CXXC4: variants seen among roughly 807,000 people sequenced by gnomAD.
CXXC4 encodes the protein CXXC finger protein 4.
In CXXC4, 5 loss-of-function variants were observed where a neutral mutation model predicts 20.5. The observed-to-expected ratio is 0.24, with a 90% CI of 0.13 to 0.51. The LOEUF is 0.51. Ranked by LOEUF, CXXC4 falls within the 20% of genes least tolerant of loss-of-function variation. CXXC4 has a pLI of 0.97. For missense variants in CXXC4, 419 were observed against 496.4 expected (o/e 0.84, Z 1.48); for synonymous variants, 250 against 216.4 (o/e 1.16, Z -1.36).
At position 104,491,338 on chromosome 4, in the gene CXXC4, G is replaced by C. The variant is rs761830455; in HGVS notation, c.465C>G (p.Ala155=). The change falls in exon 2 of 3, where the codon GCC becomes GCG. Residue 155 remains alanine, a synonymous_variant. Transcript: ENST00000394767. ...SASSSSAILP[A]GGGGGGGGGG... is the part of the protein sequence containing the mutation. ...CGCCGCCGCCGCCGCCGCCACCGCC[G>C]GCGGGGAGGATCGCCGAGGAGGAGG... 1 of 1,548,330 alleles carries C rather than the reference G, an allele frequency of 6.5e-7. No homozygotes were observed.
chr4:104,473,867 C>T (rs1736338893), intron 2 of CXXC4, among the ~76,000 whole-genome samples: 1 of 151,726 alleles, frequency 6.6e-6, no homozygotes, highest in Non-Finnish European at 1.5e-5. Flanking sequence ...TTGAGGTTAG[C>T]TCTTATTTAC....
At chr4:104,487,953 TGA>T (rs1736738453) in intron 2 of CXXC4, among the ~76,000 whole-genome samples, 1 of 152,178 alleles carries the variant, frequency 6.6e-6, no homozygotes, top group Non-Finnish European at 1.5e-5. Flanking sequence ...CATATCCATG[TGA>T]GTCTGTCTTA....
At chr4:104,486,400 T>G (rs772380029) in intron 2 of CXXC4, among the ~76,000 whole-genome samples, 64 of 152,064 alleles carry the variant, frequency 4.2e-4, no homozygotes, top group Non-Finnish European at 5.0e-4. Flanking sequence ...ATTTGTGGCT[T>G]TAGTCAAAGA....
chr4:104,491,404 G>A lies in CXXC4; in HGVS notation c.399C>T (p.Gly133=). The A allele has an allele frequency of 1.7e-6, 2 of 1,187,910 alleles. No homozygotes were observed. Among genetic ancestry groups the A allele is most frequent in the African/African-American group, 3.3e-5 (2 of 61,354 alleles). 73.6% of individuals were successfully genotyped at this position (1,187,910 alleles called of 1,614,324 possible). ...CGGCGGCGGAGGAGGATTTCCTGCC[G>A]CCCCCACCACCCCCGCCCCCGCCTC... is the stretch of plus-strand genomic sequence containing the variant. ...GGGGGGGGGG[G]GRKSSSAAAS... is the part of the protein sequence containing the mutation. Residue 133 remains glycine (G), a synonymous_variant, in exon 2 of 3, where the codon GGC becomes GGT. Transcript: ENST00000394767.
chr4:104,491,172 C>G lies in CXXC4; in HGVS notation c.631G>C (p.Gly211Arg). The G allele has an allele frequency of 6.2e-7, 1 of 1,613,942 alleles. No individual in the cohort carries two copies. Among genetic ancestry groups the G allele is most frequent in the Non-Finnish European group, 8.5e-7 (1 of 1,180,008 alleles). The change falls in exon 2 of 3, where the codon GGG (glycine) becomes CGG (arginine). Residue 211 changes from glycine (G) to arginine (R), a missense_variant. By Grantham distance (125) the Gly-to-Arg change is moderately radical. Transcript: ENST00000394767. ...CATTTGAGCTTGTTCATGCATTCCC[C>G]CGCCAAAGGTCTGCAGTGTTCAGGG... ...LSPEHCRPLA[G>R]ECMNKLKCGA...
rs1362673151 is a variant in CXXC4, at chr4:104,470,329, T to A, written c.*1993A>T. On this transcript the variant is annotated 3_prime_UTR_variant, in exon 3 of 3. Transcript: ENST00000394767. ...AGCTTGTAATCATTTAATTCTCATC[T>A]CTAAATATGGATGGGTGTAACACAT... 3 of 152,050 alleles carry A rather than the reference T, an allele frequency of 2.0e-5. No homozygotes were observed. The highest frequency in any genetic ancestry group is 7.2e-5 in the African/African-American group (3 of 41,430). The allele number at this position is 152,050 out of a possible 1,614,324, so 9.4% of individuals were successfully genotyped here. A position where few individuals can be genotyped will look rare whatever the true frequency, so the allele number is the denominator to read the frequency against.
At position 104,471,693 on chromosome 4, in the gene CXXC4, CT is replaced by C. The variant is rs1335502195; in HGVS notation, c.*628del. On this transcript the variant is annotated 3_prime_UTR_variant, in exon 3 of 3. Transcript: ENST00000394767. ...AGGTAATTGGTGGATGCATCATAAT[CT>C]TTTAGTCTTGTAAAACTTGGCATCA... is the stretch of plus-strand genomic sequence containing the variant. 2 of 152,038 alleles carry C rather than the reference CT, an allele frequency of 1.3e-5. No individual in the cohort carries two copies. Among genetic ancestry groups the C allele is most frequent in the African/African-American group, 2.4e-5 (1 of 41,422 alleles). 9.4% of individuals were successfully genotyped at this position (152,038 alleles called of 1,614,324 possible).
chr4:104,480,567 A>G (rs1002795292), intron 2 of CXXC4, among the ~76,000 whole-genome samples: 2 of 152,104 alleles, frequency 1.3e-5, no homozygotes, highest in African/African-American at 4.8e-5. Context: ...GTTTTTAAAA[A>G]ACCATAAACA....
chr4:104,478,081 G>C (rs1736461122), intron 2 of CXXC4, among the ~76,000 whole-genome samples: 1 of 152,064 alleles, frequency 6.6e-6, no homozygotes, highest in Non-Finnish European at 1.5e-5. Flanking sequence ...TCCATATTTT[G>C]GTTTCCAAAT....
chr4:104,473,956 A>G (rs1736342235), intron 2 of CXXC4, among the ~76,000 whole-genome samples: 1 of 151,982 alleles, frequency 6.6e-6, no homozygotes, highest in Admixed American at 6.6e-5. Flanking sequence ...ATTGATTAGG[A>G]TGTCAACTAG....
intron 2 of CXXC4, among the ~76,000 whole-genome samples, chr4:104,490,031 A>G (rs899622024): frequency 6.6e-6 from 1 of 152,230 alleles, no homozygotes; most frequent in African/African-American, 2.4e-5. Context: ...TTTAAACAAA[A>G]TCACTCTTAT....
intron 2 of CXXC4, among the ~76,000 whole-genome samples, chr4:104,487,256 G>A (rs987348449): frequency 2.0e-5 from 3 of 152,064 alleles, no homozygotes; most frequent in Non-Finnish European, 4.4e-5. Context: ...GCCAAGAGTG[G>A]GGGAAGGGAA....
intron 2 of CXXC4, among the ~76,000 whole-genome samples, chr4:104,483,424 C>T (rs1210350077): frequency 1.3e-5 from 2 of 152,034 alleles, no homozygotes; most frequent in Non-Finnish European, 1.5e-5. Context: ...GGGCTTATCA[C>T]TCTTTTTCCC....
Position 104,491,809 on chromosome 4 carries a change from G to A in CXXC4, c.-7C>T, listed in dbSNP as rs1736889217. ...CGCAGACATTGGTGTTCATGGTGCA[G>A]GGGGGGAAGAAGGGGTGCAGGGTGG... On this transcript the variant is annotated 5_prime_UTR_variant, in exon 2 of 3. Coordinates refer to ENST00000394767, the MANE Select transcript of CXXC4 (RefSeq NM_025212.4). 1 of 1,435,266 alleles carries A rather than the reference G, an allele frequency of 7.0e-7. No individual in the cohort carries two copies. Among genetic ancestry groups the A allele is most frequent in the Non-Finnish European group, 9.2e-7 (1 of 1,085,078 alleles). 88.9% of individuals were successfully genotyped at this position (1,435,266 alleles called of 1,614,324 possible). A position where few individuals can be genotyped will look rare whatever the true frequency, so the allele number is the denominator to read the frequency against.
chr4:104,484,371 CA>C (rs1210533018), intron 2 of CXXC4, among the ~76,000 whole-genome samples: 1 of 151,908 alleles, frequency 6.6e-6, no homozygotes, highest in Non-Finnish European at 1.5e-5. Flanking sequence ...TATGTGGCCA[CA>C]TGGACCACAT....
intron 2 of CXXC4, among the ~76,000 whole-genome samples, chr4:104,475,519 T>C (rs976267487): frequency 1.3e-4 from 20 of 152,154 alleles, no homozygotes; most frequent in African/African-American, 4.8e-4. Context: ...GAAGCAACAA[T>C]GTTTTAATAG....
intron 2 of CXXC4, among the ~76,000 whole-genome samples, chr4:104,482,959 G>T (rs978057050): frequency 1.3e-5 from 2 of 151,950 alleles, no homozygotes; most frequent in African/African-American, 4.8e-5. Context: ...CCCATAGTCT[G>T]ACACTTTACT....
rs1209996549 is a variant in CXXC4, at chr4:104,470,688, A to ATT, written c.*1633_*1634insAA. On this transcript the variant is annotated 3_prime_UTR_variant, in exon 3 of 3. Transcript: ENST00000394767. ...TTTGCTAACATTTTTCAGCAAGCTAATGGATTTAGTGGGTTAAATCACCTG... is the reference window on the plus strand; with the variant it reads ...TTTGCTAACATTTTTCAGCAAGCTAATTTGGATTTAGTGGGTTAAATCACCTG... The ATT allele has an allele frequency of 6.6e-6, 1 of 152,072 alleles. No individual in the cohort carries two copies. The highest frequency in any genetic ancestry group is 2.4e-5 in the African/African-American group (1 of 41,452). The allele number at this position is 152,072 out of a possible 1,614,324, so 9.4% of individuals were successfully genotyped here.
intron 1 of CXXC4, among the ~76,000 whole-genome samples, chr4:104,492,948 C>T (rs922574561): frequency 6.6e-6 from 1 of 151,286 alleles, no homozygotes; most frequent in Admixed American, 6.6e-5. Context: ...TATTCCTAAT[C>T]ATTCCTAATG....
Sources: allele counts gnomAD v4.1 joint callset (sites outside exome capture counted in the v4.1 genomes callset), GRCh38; gene constraint gnomAD v4.1.1; transcripts MANE v1.5; gene names NCBI Gene and HGNC (gene_info 2026-07-23, HGNC 2026-07-21).